Variants in PKP4 observed in about 807,000 individuals in gnomAD.
The protein encoded by PKP4 is plakophilin 4.
A neutral mutation model predicts 145.1 loss-of-function variants in PKP4; 90 were observed. The ratio of observed to expected loss-of-function variants is 0.62; its 90% CI spans 0.52 to 0.74. The LOEUF (loss-of-function observed/expected upper bound fraction) is 0.74, where lower values mean the gene tolerates loss of function less well. PKP4 is among the 30% of genes least tolerant of loss of function. The pLI is 0.00. For synonymous variants in PKP4, 563 were observed against 577.2 expected (o/e 0.98, Z 0.35); for missense variants, 1,340 against 1,482.7 (o/e 0.90, Z 1.58).
chr2:158,600,155 T>G (rs2050104402), intron 3 of PKP4, among the ~76,000 whole-genome samples: 1 of 152,226 alleles, frequency 6.6e-6, no homozygotes, highest in Admixed American at 6.5e-5. Context: ...TAAATTTGCT[T>G]TTGATTGATG....
chr2:158,585,494 G>C (rs1028667418), intron 3 of PKP4, among the ~76,000 whole-genome samples: 1 of 152,136 alleles, frequency 6.6e-6, no homozygotes, highest in Non-Finnish European at 1.5e-5. Context: ...TCCTAAAAAT[G>C]TTTTAGAGCT....
chr2:158,561,768 CAAAT>C (rs1201806691), intron 2 of PKP4, among the ~76,000 whole-genome samples: 16 of 151,434 alleles, frequency 1.1e-4, no homozygotes, highest in African/African-American at 2.4e-4. Context: ...AGTGTTTAAA[CAAAT>C]GAATGTATAA....
intron 3 of PKP4, among the ~76,000 whole-genome samples, chr2:158,598,005 T>C (rs2051945): frequency 0.72 from 108,484 of 151,302 alleles, 40,033 homozygotes; most frequent in Non-Finnish European, 0.8. Context: ...TTAAACTTTT[T>C]TGTAGAGATA....
chr2:158,649,727 A>T (rs2055174409), intron 11 of PKP4, among the ~76,000 whole-genome samples: 1 of 152,226 alleles, frequency 6.6e-6, no homozygotes, highest in Admixed American at 6.5e-5. Flanking sequence ...GTATTCAAAC[A>T]TCAGTCAGAG....
At chr2:158,585,890 C>CAAAA (rs370996666) in intron 3 of PKP4, among the ~76,000 whole-genome samples, 7 of 133,228 alleles carry the variant, frequency 5.3e-5, no homozygotes, top group Admixed American at 1.5e-4. Context: ...TTTATCATTC[C>CAAAA]AAAAAAAAAA....
intron 1 of PKP4, among the ~76,000 whole-genome samples, chr2:158,518,486 A>G (rs2042103763): frequency 2.0e-5 from 3 of 152,154 alleles, no homozygotes; most frequent in African/African-American, 7.2e-5. Flanking sequence ...CTGTCTACAT[A>G]TTTCTTCCCC....
chr2:158,544,285 A>G (rs2044772012), intron 2 of PKP4, among the ~76,000 whole-genome samples: 2 of 152,214 alleles, frequency 1.3e-5, no homozygotes, highest in African/African-American at 4.8e-5. Flanking sequence ...CGTAAGACTC[A>G]TGAAAATAAA....
At position 158,463,484 on chromosome 2, in the gene PKP4, G is replaced by A. The variant is rs535659351; in HGVS notation, c.-6+6266G>A. Among the ~76,000 whole-genome samples, 22 of 151,504 alleles carry A rather than the reference G, an allele frequency of 1.5e-4. No individual in the cohort carries two copies. In the South Asian group the frequency reaches 4.4e-3, roughly 30 times the overall value. ...ATCAAGAAAGGCTAGAAAAGAGGAA[G>A]GGGGTTTGGAATATACATGATATAA... On this transcript the variant is annotated intron_variant, in intron 1 of 21. Coordinates refer to ENST00000389759, the MANE Select transcript of PKP4 (RefSeq NM_003628.6).
chr2:158,631,774 G>T lies in PKP4; in HGVS notation c.1175G>T (p.Ser392Ile). The stretch of plus-strand genomic sequence containing the variant: ...CTAGGCTTACGGAGTTCCTATGCTA[G>T]TCAGCATAGTCAGCTTGGGCAAGAC... The part of the protein sequence containing the change: ...SLTGLRSSYA[S>I]QHSQLGQDLR... The change falls in exon 8 of 22, where the codon AGT becomes ATT. Residue 392 changes from serine to isoleucine, a missense_variant. Ser to Ile is a moderately radical substitution (Grantham distance 142, BLOSUM62 -2). Coordinates refer to ENST00000389759, the MANE Select transcript of PKP4 (RefSeq NM_003628.6). 6.2e-7 allele frequency: 1 copy of T among 1,613,618 alleles called. No individual in the cohort carries two copies.
chr2:158,540,678 A>G (rs2044439658), intron 2 of PKP4, among the ~76,000 whole-genome samples: 1 of 152,170 alleles, frequency 6.6e-6, no homozygotes, highest in African/African-American at 2.4e-5. Context: ...ACAGGCTATC[A>G]GTATGTATTA....
intron 1 of PKP4, among the ~76,000 whole-genome samples, chr2:158,488,074 A>G (rs1364305733): frequency 6.6e-6 from 1 of 152,160 alleles, no homozygotes; most frequent in Non-Finnish European, 1.5e-5. Flanking sequence ...TTCCACCTAT[A>G]TCCACAAATT....
At chr2:158,466,986 G>C (rs1468449650) in intron 1 of PKP4, among the ~76,000 whole-genome samples, 3 of 152,080 alleles carry the variant, frequency 2.0e-5, no homozygotes, top group African/African-American at 7.2e-5. Flanking sequence ...TTTTTCAAAG[G>C]GGAAATGTTA....
At chr2:158,595,611 G>A (rs1270554594) in intron 3 of PKP4, among the ~76,000 whole-genome samples, 1 of 152,106 alleles carries the variant, frequency 6.6e-6, no homozygotes. Flanking sequence ...AGAAGCCAAA[G>A]CAATGTTAGA....
At chr2:158,590,378 CTT>C (rs60189310) in intron 3 of PKP4, among the ~76,000 whole-genome samples, 9 of 97,388 alleles carry the variant, frequency 9.2e-5, no homozygotes, top group African/African-American at 1.1e-4. Context: ...TTCTTCTAGA[CTT>C]TTTTTTTTTT....
At chr2:158,552,434 T>C (rs1212609892) in intron 2 of PKP4, among the ~76,000 whole-genome samples, 4 of 152,150 alleles carry the variant, frequency 2.6e-5, no homozygotes, top group Non-Finnish European at 5.9e-5. Context: ...CTGTAACAAA[T>C]ACCTAAAAAT....
In PKP4 at chr2:158,612,338, C is replaced by A. The variant is rs139953300; in HGVS notation, c.281-8652C>A. ...GTGTTTCTATATCAGTATATAAAGC[C>A]CTATTTCTTTTTAATGGCTAAATAG... On this transcript the variant is annotated intron_variant, in intron 4 of 21. Coordinates refer to ENST00000389759, the MANE Select transcript of PKP4 (RefSeq NM_003628.6). Among the ~76,000 whole-genome samples, 732 of 152,162 alleles carry A rather than the reference C, an allele frequency of 4.8e-3. 2 individuals carry two copies. Among genetic ancestry groups the A allele is most frequent in the African/African-American group, 0.016 (668 of 41,510 alleles).
At chr2:158,613,553 C>CT (rs1243643333) in intron 4 of PKP4, among the ~76,000 whole-genome samples, 11 of 152,172 alleles carry the variant, frequency 7.2e-5, no homozygotes, top group Non-Finnish European at 1.3e-4. Context: ...ATTGGAATCT[C>CT]TGAGTGTGGG....
Position 158,561,927 on chromosome 2 carries a change from C to A in PKP4, c.133-15344C>A, listed in dbSNP as rs1414338469. Among the ~76,000 whole-genome samples, 288 of 145,186 alleles carry A rather than the reference C, an allele frequency of 2.0e-3. 1 individual carries two copies. Among genetic ancestry groups the A allele is most frequent in the African/African-American group, 7.3e-3 (279 of 38,464 alleles). ...TTTCTCCCAATGCCATCCCTCCCCC[C>A]AGCCCCCCACCCCCCGACAGGCCCC... On this transcript the variant is annotated intron_variant, in intron 2 of 21. Coordinates refer to ENST00000389759, the MANE Select transcript of PKP4 (RefSeq NM_003628.6).
chr2:158,552,938 T>C (rs1025486681), intron 2 of PKP4, among the ~76,000 whole-genome samples: 43 of 152,170 alleles, frequency 2.8e-4, no homozygotes, highest in African/African-American at 9.2e-4. Context: ...AGACCTTCAA[T>C]TTGTAAAAGA....
Sources: gnomAD v4.1 joint callset for allele counts (sites outside exome capture counted in the v4.1 genomes callset) on GRCh38, gnomAD v4.1.1 for gene constraint, MANE v1.5 for transcripts, NCBI Gene and HGNC (gene_info 2026-07-23, HGNC 2026-07-21) for gene names.